The following EPS8 variants were observed in gnomAD, a reference collection of about 807,000 sequenced individuals.
EPS8 encodes EGFR pathway substrate 8, signaling adaptor.
EPS8 carries 42 observed loss-of-function variants against 103.8 expected under a neutral mutation model. The observed-to-expected ratio is 0.40, with a 90% CI of 0.32 to 0.52. EPS8 has a LOEUF of 0.52. EPS8 is among the 20% of genes least tolerant of loss of function. The probability of loss-of-function intolerance (pLI) is 0.40; values close to 1 mark genes in which losing one functional copy is unlikely to be tolerated. For missense variants in EPS8, 969 were observed against 1,005.1 expected (o/e 0.96, Z 0.49); for synonymous variants, 344 against 344.6 (o/e 1.00, Z 0.02).
chr12:15,627,282 G>A (rs533299685), intron 18 of EPS8, among the ~76,000 whole-genome samples: 6 of 152,142 alleles, frequency 3.9e-5, no homozygotes, highest in African/African-American at 1.4e-4. Flanking sequence ...GGGATTACAG[G>A]CATGAGCCAC....
intron 9 of EPS8, among the ~76,000 whole-genome samples, chr12:15,661,680 A>C (rs773555805): frequency 2.6e-5 from 4 of 152,200 alleles, no homozygotes; most frequent in Non-Finnish European, 4.4e-5. Context: ...AATGCCAAGA[A>C]GACATATTAA....
chr12:15,709,097 T>G (rs190344852), intron 1 of EPS8, among the ~76,000 whole-genome samples: 10 of 152,296 alleles, frequency 6.6e-5, no homozygotes, highest in Admixed American at 6.5e-4. Context: ...CACTGTCATA[T>G]CACTTCATTT....
chr12:15,744,454 A>G (rs964189412), intron 1 of EPS8, among the ~76,000 whole-genome samples: 1 of 152,174 alleles, frequency 6.6e-6, no homozygotes, highest in African/African-American at 2.4e-5. Flanking sequence ...AAGAATAACA[A>G]TACCTAATAT....
chr12:15,657,940 T>A, intron 12 of EPS8, 139 bp downstream of exon 12: 1 of 633,740 alleles, frequency 1.6e-6, no homozygotes, highest in Non-Finnish European at 2.8e-6. Context: ...AAATTTTACA[T>A]TCTTGATGTT....
In EPS8 at chr12:15,650,855, G is replaced by A. The variant is rs373768129; in HGVS notation, c.1402C>T (p.Arg468Cys). ...ESVANVAEHQRKQEIKRLSTE... is the reference protein window; with the variant it reads ...ESVANVAEHQCKQEIKRLSTE... ...GATAATCTTTTTATTTCCTGTTTGC[G>A]CTGATGTTCTGCTACATTTGCCACA... Residue 468 changes from arginine (R) to cysteine (C), a missense_variant, in exon 14 of 21, where the codon CGC (arginine) becomes TGC (cysteine). Coordinates refer to ENST00000281172, the MANE Select transcript of EPS8 (RefSeq NM_004447.6). The A allele has an allele frequency of 2.5e-5, 41 of 1,613,556 alleles. No homozygotes were observed. The highest frequency in any genetic ancestry group is 3.1e-5 in the Non-Finnish European group (37 of 1,179,834).
chr12:15,629,657 CA>C (rs1165346154), intron 18 of EPS8, among the ~76,000 whole-genome samples: 1 of 152,098 alleles, frequency 6.6e-6, no homozygotes, highest in Admixed American at 6.5e-5. Context: ...ATCACTTTTC[CA>C]AAACTTCATT....
At chr12:15,686,080 G>C (rs1946091133) in intron 1 of EPS8, among the ~76,000 whole-genome samples, 1 of 152,070 alleles carries the variant, frequency 6.6e-6, no homozygotes, top group Admixed American at 6.6e-5. Context: ...CCACTTACAA[G>C]CAAATTTTCT....
intron 3 of EPS8, among the ~76,000 whole-genome samples, chr12:15,677,715 A>C (rs191649217): frequency 4.6e-5 from 7 of 152,166 alleles, no homozygotes; most frequent in Admixed American, 4.6e-4. Flanking sequence ...GCCAGCACAC[A>C]CTGTTTAAGT....
At chr12:15,703,527 G>A (rs1198968545) in intron 1 of EPS8, among the ~76,000 whole-genome samples, 1 of 151,898 alleles carries the variant, frequency 6.6e-6, no homozygotes, top group East Asian at 1.9e-4. Context: ...TGAATTTCAG[G>A]GAATAGTGAG....
chr12:15,711,637 G>C (rs1402539017), intron 1 of EPS8, among the ~76,000 whole-genome samples: 1 of 152,072 alleles, frequency 6.6e-6, no homozygotes, highest in Non-Finnish European at 1.5e-5. Context: ...GCTGACCAAA[G>C]CTTTATAGCA....
intron 1 of EPS8, among the ~76,000 whole-genome samples, chr12:15,775,241 C>A (rs1261178466): frequency 2.0e-5 from 3 of 152,144 alleles, no homozygotes; most frequent in Admixed American, 6.6e-5. Context: ...ACTTTACGAT[C>A]AGCCTAAGGT....
chr12:15,742,581 T>A (rs1946836245), intron 1 of EPS8, among the ~76,000 whole-genome samples: 2 of 152,204 alleles, frequency 1.3e-5, no homozygotes, highest in Admixed American at 1.3e-4. Flanking sequence ...GTTGGCTTCA[T>A]CCCTGGGATG....
chr12:15,789,168 C>A lies in EPS8; in HGVS notation c.-29G>T, dbSNP rs1427664458. The A allele has an allele frequency of 6.6e-6, 1 of 152,064 alleles. No individual in the cohort carries two copies. Among genetic ancestry groups the A allele is most frequent in the Non-Finnish European group, 1.5e-5 (1 of 68,010 alleles). 9.4% of individuals were successfully genotyped at this position (152,064 alleles called of 1,614,324 possible). ...TCGCCAAGGGGCTCTTACCTCGGAT[C>A]CGCCCTCGGGGCCACGGCTTTCCCC... On this transcript the variant is annotated 5_prime_UTR_variant, in exon 1 of 21. Coordinates refer to ENST00000281172, the MANE Select transcript of EPS8 (RefSeq NM_004447.6). This position sits in a 1 kb window ranked among gnomAD's most constrained non-coding sequence, Gnocchi z 6.1.
chr12:15,715,526 TGGTGTGCGCCACTAC>T (rs1946523098), intron 1 of EPS8, among the ~76,000 whole-genome samples: 2 of 151,622 alleles, frequency 1.3e-5, no homozygotes, highest in Non-Finnish European at 2.9e-5. Flanking sequence ...CTGGGACTAC[TGGTGTGCGCCACTAC>T]GCCTGGCTAA....
At chr12:15,737,519 A>G (rs1946777993) in intron 1 of EPS8, among the ~76,000 whole-genome samples, 1 of 152,160 alleles carries the variant, frequency 6.6e-6, no homozygotes, top group South Asian at 2.1e-4. Context: ...CTAAGTGCCT[A>G]ATGTATATGA....
chr12:15,658,848 G>T (rs772826696), intron 10 of EPS8, among the ~76,000 whole-genome samples: 2 of 152,088 alleles, frequency 1.3e-5, no homozygotes, highest in Non-Finnish European at 2.9e-5. Context: ...GGCAGACATT[G>T]TGCAAGTGAG....
In EPS8 at chr12:15,789,092, AT is replaced by A. The variant is rs1947341099; in HGVS notation, c.-22+68del. 1 of 152,104 alleles carries A rather than the reference AT, an allele frequency of 6.6e-6. No individual in the cohort carries two copies. Among genetic ancestry groups the A allele is most frequent in the African/African-American group, 2.4e-5 (1 of 41,414 alleles). The allele number at this position is 152,104 out of a possible 1,614,324, so 9.4% of individuals were successfully genotyped here. The stretch of plus-strand genomic sequence containing the variant: ...CTCCGATTCCAGCACACAAAGGCGG[AT>A]TTTTAAAATCGAGAAAGTCAAAGCC... On this transcript the variant is annotated intron_variant, in intron 1 of 20. Coordinates refer to ENST00000281172, the MANE Select transcript of EPS8 (RefSeq NM_004447.6). This position sits in a 1 kb window ranked among gnomAD's most constrained non-coding sequence, Gnocchi z 6.1.
At chr12:15,665,482 C>A in intron 8 of EPS8, 1 of 367,038 alleles carries the variant, frequency 2.7e-6, no homozygotes, top group Non-Finnish European at 5.0e-6. Context: ...AGGCGCATGC[C>A]ACCACACCCA....
chr12:15,705,569 A>G (rs955393643), intron 1 of EPS8, among the ~76,000 whole-genome samples: 2 of 152,216 alleles, frequency 1.3e-5, no homozygotes, highest in Non-Finnish European at 2.9e-5. Flanking sequence ...TTTCATAATT[A>G]ACTAATCCAT....
Sources: allele counts gnomAD v4.1 joint callset (sites outside exome capture counted in the v4.1 genomes callset), GRCh38; gene constraint gnomAD v4.1.1; non-coding constraint Gnocchi (gnomAD v3.1); transcripts MANE v1.5; gene names NCBI Gene and HGNC (gene_info 2026-07-23, HGNC 2026-07-21).